Variants in BBS9 observed in about 807,000 individuals in gnomAD.
BBS9 encodes the protein protein PTHB1.
BBS9 carries 89 observed loss-of-function variants against 117.7 expected under a neutral mutation model. That is an observed-to-expected ratio of 0.76 (90% confidence interval 0.64 to 0.90). The LOEUF (loss-of-function observed/expected upper bound fraction) is 0.90. Among genes scored for constraint, BBS9 ranks in the 40% least tolerant of loss-of-function variants. The probability of loss-of-function intolerance (pLI) is 0.00; values close to 1 mark genes in which losing one functional copy is unlikely to be tolerated. For missense variants in BBS9, 982 were observed against 1,042.2 expected (o/e 0.94, Z 0.80); for synonymous variants, 379 against 370.9 (o/e 1.02, Z -0.25).
intron 5 of BBS9, among the ~76,000 whole-genome samples, chr7:33,231,510 G>A (rs4538777): frequency 0.08 from 11,856 of 147,318 alleles, 537 homozygotes; most frequent in South Asian, 0.13. Flanking sequence ...AGAGTGTGGT[G>A]CCTCCAACTT....
intron 5 of BBS9, among the ~76,000 whole-genome samples, chr7:33,187,578 A>G (rs1302813113): frequency 6.6e-6 from 1 of 152,198 alleles, no homozygotes; most frequent in East Asian, 1.9e-4. Context: ...AAGAATTCTG[A>G]GTGCCCAGGC....
At chr7:33,260,449 A>G (rs1435153345) in intron 6 of BBS9, among the ~76,000 whole-genome samples, 3 of 152,176 alleles carry the variant, frequency 2.0e-5, no homozygotes, top group African/African-American at 7.2e-5. Context: ...ATTACTGCCT[A>G]AAACACTGAT....
intron 19 of BBS9, among the ~76,000 whole-genome samples, chr7:33,395,826 A>G (rs1349818978): frequency 6.6e-6 from 1 of 152,182 alleles, no homozygotes; most frequent in Admixed American, 6.6e-5. Flanking sequence ...CTGATAACAC[A>G]GAGGAATATA....
At chr7:33,493,255 A>G (rs1844267356) in intron 19 of BBS9, among the ~76,000 whole-genome samples, 1 of 152,132 alleles carries the variant, frequency 6.6e-6, no homozygotes, top group African/African-American at 2.4e-5. Flanking sequence ...TGGCCTCCCA[A>G]AGTGCTGGGA....
At chr7:33,550,523 C>A (rs1254379617) in intron 21 of BBS9, among the ~76,000 whole-genome samples, 2 of 152,080 alleles carry the variant, frequency 1.3e-5, no homozygotes, top group Admixed American at 6.6e-5. Context: ...ATATAACTGG[C>A]CTAAAATAGG....
chr7:33,422,560 A>G (rs1833018398), intron 19 of BBS9, among the ~76,000 whole-genome samples: 2 of 152,192 alleles, frequency 1.3e-5, no homozygotes, highest in Non-Finnish European at 2.9e-5. Flanking sequence ...CTTTCTAGCT[A>G]CCACAATTCA....
chr7:33,390,275 G>A (rs761956355), intron 19 of BBS9: 34 of 985,328 alleles, frequency 3.5e-5, no homozygotes, highest in Non-Finnish European at 4.1e-5. Context: ...ACTTGAAGAG[G>A]ATGCTTGATT....
At chr7:33,552,960 T>C (rs1854676501) in intron 21 of BBS9, among the ~76,000 whole-genome samples, 1 of 152,156 alleles carries the variant, frequency 6.6e-6, no homozygotes, top group African/African-American at 2.4e-5. Context: ...CATTCTGCTT[T>C]ACCCACACAA....
At chr7:33,170,986 C>T (rs1171883900) in intron 4 of BBS9, among the ~76,000 whole-genome samples, 16 of 149,568 alleles carry the variant, frequency 1.1e-4, no homozygotes, top group African/African-American at 3.7e-4. Flanking sequence ...ATTCCATGCT[C>T]ATGGGTAGGA....
At chr7:33,409,804 T>C (rs1830778600) in intron 19 of BBS9, among the ~76,000 whole-genome samples, 1 of 152,218 alleles carries the variant, frequency 6.6e-6, no homozygotes, top group Non-Finnish European at 1.5e-5. Context: ...TATTTTTTGA[T>C]CAAATTTACC....
chr7:33,307,279 T>C (rs1373132065), intron 9 of BBS9, among the ~76,000 whole-genome samples: 1 of 152,180 alleles, frequency 6.6e-6, no homozygotes, highest in Non-Finnish European at 1.5e-5. Flanking sequence ...TTTCAGCCTG[T>C]TGTAATAGTG....
At chr7:33,455,289 C>CAA (rs1168572991) in intron 19 of BBS9, among the ~76,000 whole-genome samples, 1 of 152,104 alleles carries the variant, frequency 6.6e-6, no homozygotes, top group African/African-American at 2.4e-5. Flanking sequence ...ACGTAAGACA[C>CAA]AAAGTCCACC....
At chr7:33,362,412 G>A (rs1014917201) in intron 16 of BBS9, among the ~76,000 whole-genome samples, 1 of 151,804 alleles carries the variant, frequency 6.6e-6, no homozygotes, top group African/African-American at 2.4e-5. Flanking sequence ...TTACATTTAA[G>A]TCTCTTCCCC....
At chr7:33,137,818 C>T (rs766691108) in intron 1 of BBS9, among the ~76,000 whole-genome samples, 12 of 152,124 alleles carry the variant, frequency 7.9e-5, no homozygotes, top group Non-Finnish European at 1.2e-4. Context: ...GATAACACTT[C>T]GGACATTGGG....
chr7:33,412,305 A>C (rs754699434), intron 19 of BBS9, among the ~76,000 whole-genome samples: 14 of 152,210 alleles, frequency 9.2e-5, no homozygotes, highest in Non-Finnish European at 1.6e-4. Context: ...GCCAGACCTA[A>C]CGTTCACTCC....
At chr7:33,477,922 G>C (rs1280977869) in intron 19 of BBS9, among the ~76,000 whole-genome samples, 1 of 152,056 alleles carries the variant, frequency 6.6e-6, no homozygotes, top group Non-Finnish European at 1.5e-5. Context: ...TCTTTTGTTT[G>C]GTATTGTTTG....
chr7:33,453,807 A>T (rs1200356932), intron 19 of BBS9, among the ~76,000 whole-genome samples: 1 of 152,178 alleles, frequency 6.6e-6, no homozygotes, highest in African/African-American at 2.4e-5. Context: ...GGCATGAGCC[A>T]CCTTATGTCT....
chr7:33,615,860 C>A (rs1161779218), intron 21 of BBS9, among the ~76,000 whole-genome samples: 3 of 151,968 alleles, frequency 2.0e-5, no homozygotes, highest in Non-Finnish European at 4.4e-5. Flanking sequence ...ATAATCCTAT[C>A]CACTTCTCAG....
In BBS9 at chr7:33,326,100, C is replaced by T. The variant is rs891755665; in HGVS notation, c.1017-10341C>T. On this transcript the variant is annotated intron_variant, in intron 9 of 22. Coordinates refer to ENST00000242067, the MANE Select transcript of BBS9 (RefSeq NM_198428.3). The stretch of plus-strand genomic sequence containing the variant: ...GCCATGAATTTCCTGTGGCCCCAGG[C>T]GGGTCCAGAGATGCTCTCTGGGAGC... 7.9e-5 allele frequency among the ~76,000 whole-genome samples: 12 copies of T among 152,210 alleles called. No individual in the cohort carries two copies. The South Asian group carries it at 8.3e-4, about 11-fold the overall frequency.
Sources: allele counts gnomAD v4.1 joint callset (sites outside exome capture counted in the v4.1 genomes callset), GRCh38; gene constraint gnomAD v4.1.1; transcripts MANE v1.5; gene names NCBI Gene and HGNC (gene_info 2026-07-23, HGNC 2026-07-21).